The following ADK variants were observed in gnomAD, a reference collection of about 807,000 sequenced individuals.
ADK encodes N6,N6-dimethyladenosine kinase.
ADK carries 24 observed loss-of-function variants against 44.7 expected under a neutral mutation model. The observed-to-expected ratio is 0.54, with a 90% CI of 0.39 to 0.76. The LOEUF (loss-of-function observed/expected upper bound fraction) is 0.76. Among genes scored for constraint, ADK ranks in the 30% least tolerant of loss-of-function variants. ADK has a pLI of 0.00. For synonymous variants in ADK, 128 were observed against 142.6 expected (o/e 0.90, Z 0.73); for missense variants, 321 against 425.1 (o/e 0.76, Z 2.15).
At chr10:74,438,424 G>A (rs1488270893) in intron 6 of ADK, among the ~76,000 whole-genome samples, 1 of 151,406 alleles carries the variant, frequency 6.6e-6, no homozygotes, top group African/African-American at 2.4e-5. Flanking sequence ...TAGAGATGGG[G>A]TTTTACCGTG....
chr10:74,488,436 G>A (rs137968751), intron 6 of ADK, among the ~76,000 whole-genome samples: 56 of 149,370 alleles, frequency 3.7e-4, no homozygotes, highest in Non-Finnish European at 7.0e-4. Flanking sequence ...ATACATATAC[G>A]TAAATAGCAT....
intron 8 of ADK, among the ~76,000 whole-genome samples, chr10:74,599,176 C>G (rs1233584351): frequency 6.6e-6 from 1 of 152,174 alleles, no homozygotes; most frequent in East Asian, 1.9e-4. Context: ...GCAGCACTGT[C>G]CTACTACAAA....
chr10:74,303,799 C>T (rs1160313251), intron 3 of ADK, among the ~76,000 whole-genome samples: 1 of 151,074 alleles, frequency 6.6e-6, no homozygotes, highest in Non-Finnish European at 1.5e-5. Flanking sequence ...GAAAACCCGT[C>T]TCTACTAAAA....
chr10:74,702,770 T>G (rs958750672), intron 10 of ADK, among the ~76,000 whole-genome samples: 2 of 151,942 alleles, frequency 1.3e-5, no homozygotes, highest in Admixed American at 6.6e-5. Flanking sequence ...GGCAAATTTT[T>G]GTATTTTTAG....
At chr10:74,175,580 CA>C (rs1842303040) in intron 1 of ADK, among the ~76,000 whole-genome samples, 1 of 152,012 alleles carries the variant, frequency 6.6e-6, no homozygotes, top group Non-Finnish European at 1.5e-5. Context: ...TGAAATTGAT[CA>C]CCATCCTAGA....
At chr10:74,156,190 G>A (rs1841745568) in intron 1 of ADK, among the ~76,000 whole-genome samples, 1 of 152,166 alleles carries the variant, frequency 6.6e-6, no homozygotes, top group Non-Finnish European at 1.5e-5. Context: ...AAGGGCCTTA[G>A]GAAAACAAGG....
chr10:74,572,283 G>A (rs369961873), intron 7 of ADK, among the ~76,000 whole-genome samples: 1 of 152,224 alleles, frequency 6.6e-6, no homozygotes, highest in Non-Finnish European at 1.5e-5. Flanking sequence ...GGCTGGATAT[G>A]AAATTCTGTG....
chr10:74,381,572 G>A (rs1842977534), intron 4 of ADK, among the ~76,000 whole-genome samples: 1 of 152,190 alleles, frequency 6.6e-6, no homozygotes, highest in African/African-American at 2.4e-5. Context: ...GCCTTGAATT[G>A]AATCCTTTTT....
At chr10:74,390,627 T>C (rs1254729209) in intron 4 of ADK, among the ~76,000 whole-genome samples, 1 of 152,196 alleles carries the variant, frequency 6.6e-6, no homozygotes, top group Admixed American at 6.5e-5. Context: ...AGATTCCAGA[T>C]GTCACAGTTA....
At position 74,309,538 on chromosome 10, in the gene ADK, A is replaced by C. The variant is rs1840365989; in HGVS notation, c.195-5129A>C. On this transcript the variant is annotated intron_variant, in intron 3 of 10. Transcript: ENST00000539909. Reference sequence around the variant, plus strand: ...GAATTGCTAGGAGACAGAACATAGTAAGAATTCAAATCTCTTATAAGCAGA... The same window carrying C: ...GAATTGCTAGGAGACAGAACATAGTCAGAATTCAAATCTCTTATAAGCAGA... Among the ~76,000 whole-genome samples, 6 of 152,308 alleles carry C rather than the reference A, an allele frequency of 3.9e-5. 1 individual carries two copies. In the South Asian group the frequency reaches 8.3e-4, roughly 21 times the overall value.
intron 2 of ADK, among the ~76,000 whole-genome samples, chr10:74,212,444 CACTT>C (rs755356747): frequency 1.1e-4 from 17 of 152,142 alleles, no homozygotes; most frequent in Admixed American, 3.3e-4. Context: ...GGAAAGAAAT[CACTT>C]ACTTCTTCAC....
At chr10:74,354,757 T>C (rs1490872845) in intron 4 of ADK, among the ~76,000 whole-genome samples, 1 of 152,200 alleles carries the variant, frequency 6.6e-6, no homozygotes, top group Non-Finnish European at 1.5e-5. Context: ...CTAAGGTCTG[T>C]TATAGCTCCA....
In ADK at chr10:74,382,308, A is replaced by C. The variant is rs1053906754; in HGVS notation, c.274-11833A>C. 2.0e-5 allele frequency among the ~76,000 whole-genome samples: 3 copies of C among 152,280 alleles called. No individual in the cohort carries two copies. The South Asian group carries it at 6.2e-4, about 32-fold the overall frequency. On this transcript the variant is annotated intron_variant, in intron 4 of 10. Transcript: ENST00000539909. ...GAGATGGGGTTTTACCACATTGCCT[A>C]GGCTGGTCTCGAACTTCTGAGCTCA...
intron 4 of ADK, among the ~76,000 whole-genome samples, chr10:74,392,412 T>C (rs1843366324): frequency 6.6e-6 from 1 of 152,196 alleles, no homozygotes; most frequent in Admixed American, 6.5e-5. Flanking sequence ...TGATTACTGA[T>C]GTTGAACATC....
rs553107357 is a variant in ADK at position 74,672,855 on chromosome 10, A to G, written c.964+2586A>G. On this transcript the variant is annotated intron_variant, in intron 10 of 10. Transcript: ENST00000539909. ...TACCCCTATTTTACTGATGAAAAAA[A>G]CAGAGACAAAGAAAGGTGAGATAAT... 1.6e-4 allele frequency among the ~76,000 whole-genome samples: 25 copies of G among 152,330 alleles called. 1 individual carries two copies. In the South Asian group the frequency reaches 5.0e-3, roughly 30 times the overall value.
intron 6 of ADK, among the ~76,000 whole-genome samples, chr10:74,403,684 C>G (rs1183082362): frequency 6.6e-6 from 1 of 152,132 alleles, no homozygotes; most frequent in Non-Finnish European, 1.5e-5. Flanking sequence ...TTCCCCAACC[C>G]CTTGCGCTTC....
chr10:74,292,726 C>A (rs1389583269), intron 3 of ADK, among the ~76,000 whole-genome samples: 1 of 151,926 alleles, frequency 6.6e-6, no homozygotes, highest in Non-Finnish European at 1.5e-5. Flanking sequence ...ATACTGGCAC[C>A]ACTTGTGAAA....
intron 7 of ADK, among the ~76,000 whole-genome samples, chr10:74,558,468 G>T (rs189567171): frequency 1.3e-5 from 2 of 152,328 alleles, no homozygotes; most frequent in African/African-American, 4.8e-5. Flanking sequence ...CATGACAGGA[G>T]TAAATTCTCT....
chr10:74,667,304 T>G (rs1297635954), intron 9 of ADK, among the ~76,000 whole-genome samples: 1 of 152,160 alleles, frequency 6.6e-6, no homozygotes, highest in Non-Finnish European at 1.5e-5. Context: ...TTATGACGCA[T>G]CTTTTGCATA....
Sources: allele counts gnomAD v4.1 joint callset (sites outside exome capture counted in the v4.1 genomes callset), GRCh38; gene constraint gnomAD v4.1.1; transcripts MANE v1.5; gene names NCBI Gene and HGNC (gene_info 2026-07-23, HGNC 2026-07-21).